Variants in ZC3H3 observed in about 807,000 individuals in gnomAD.
ZC3H3 encodes the protein zinc finger CCCH-type containing 3.
In ZC3H3, 36 loss-of-function variants were observed where a neutral mutation model predicts 77.3. The observed-to-expected ratio is 0.47, with a 90% CI of 0.36 to 0.61. ZC3H3 has a LOEUF of 0.61. Among genes scored for constraint, ZC3H3 ranks in the 20% least tolerant of loss-of-function variants. ZC3H3 has a pLI of 0.00. For synonymous variants in ZC3H3, 626 were observed against 555.2 expected, an observed-to-expected ratio of 1.13 and a Z score of -1.79; for missense variants, 1,331 against 1,312.2, an observed-to-expected ratio of 1.01 and a Z score of -0.22.
At chr8:143,488,811 G>A (rs1293640008) in intron 4 of ZC3H3, among the ~76,000 whole-genome samples, 2 of 152,216 alleles carry the variant, frequency 1.3e-5, no homozygotes, top group Non-Finnish European at 2.9e-5. Flanking sequence ...ACAAAAAGGC[G>A]ACTCCCCCTG....
At chr8:143,438,554 A>G (rs1487206349) in intron 11 of ZC3H3, among the ~76,000 whole-genome samples, 1 of 152,114 alleles carries the variant, frequency 6.6e-6, no homozygotes, top group Non-Finnish European at 1.5e-5. Context: ...GGGGAGGGGC[A>G]GGAGCAGAGC....
At position 143,460,458 on chromosome 8, in the gene ZC3H3, G is replaced by C. The variant is rs4874136; in HGVS notation, c.2307+5259C>G. Among the ~76,000 whole-genome samples, 52,852 of 151,932 alleles carry C rather than the reference G, an allele frequency of 0.35. 9,631 individuals are homozygous for C. The highest frequency in any genetic ancestry group is 0.44 in the Middle Eastern group (128 of 294). On this transcript the variant is annotated intron_variant, in intron 9 of 11. Transcript: ENST00000262577. This position sits in a 1 kb window ranked among gnomAD's most constrained non-coding sequence, Gnocchi z 4.0. ...GTGGAGAAACGGGAACCCGTGCGCC[G>C]TTGCTGGGAACGTAAAGTGGTTCAG... is the stretch of plus-strand genomic sequence containing the variant.
At chr8:143,502,068 C>G (rs904923508) in intron 4 of ZC3H3, among the ~76,000 whole-genome samples, 4 of 152,242 alleles carry the variant, frequency 2.6e-5, no homozygotes, top group African/African-American at 4.8e-5. Flanking sequence ...CTCTCCCTGC[C>G]TCTCCCTGGG....
rs1314002190 is a variant in ZC3H3 at position 143,460,602 on chromosome 8, C to T, written c.2307+5115G>A. 6.6e-6 allele frequency among the ~76,000 whole-genome samples: 1 copy of T among 152,182 alleles called. No individual in the cohort carries two copies. On this transcript the variant is annotated intron_variant, in intron 9 of 11. Transcript: ENST00000262577. This position sits in a 1 kb window ranked among gnomAD's most constrained non-coding sequence, Gnocchi z 4.0. ...AGTGAAAGCGGGGCTCAAACAGATACCTGGCTGTCAGGAATCACTACAGCA... is the reference window on the plus strand; with the variant it reads ...AGTGAAAGCGGGGCTCAAACAGATATCTGGCTGTCAGGAATCACTACAGCA...
intron 9 of ZC3H3, among the ~76,000 whole-genome samples, chr8:143,458,854 C>T (rs1048120867): frequency 5.3e-5 from 8 of 149,904 alleles, no homozygotes; most frequent in Admixed American, 2.0e-4. Flanking sequence ...GGCGCAGTGG[C>T]TCATGCCTGT....
intron 4 of ZC3H3, among the ~76,000 whole-genome samples, chr8:143,497,946 C>T (rs1199934254): frequency 1.3e-5 from 2 of 152,230 alleles, no homozygotes; most frequent in African/African-American, 4.8e-5. Flanking sequence ...CTGGCAGGCA[C>T]CACAGCACGA....
chr8:143,538,656 T>G lies in ZC3H3; in HGVS notation c.711A>C (p.Pro237=), dbSNP rs761753051. 27 of 1,608,614 alleles carry G rather than the reference T, an allele frequency of 1.7e-5. No homozygotes were observed. In the South Asian group the frequency reaches 3.0e-4, roughly 18 times the overall value. The change falls in exon 2 of 12, where the codon CCA becomes CCC. Residue 237 remains proline, a synonymous_variant. Transcript: ENST00000262577. ...KASFPSSALP[P]RTGVALGRKL... is the part of the protein sequence containing the mutation. Reference sequence around the variant, plus strand: ...TCCGGCCCAGGGCCACGCCAGTGCGTGGGGGCAGAGCGGAGGATGGGAAGC... The same window carrying G: ...TCCGGCCCAGGGCCACGCCAGTGCGGGGGGGCAGAGCGGAGGATGGGAAGC...
chr8:143,540,640 T>C (rs1019432481), intron 1 of ZC3H3, among the ~76,000 whole-genome samples: 4 of 152,154 alleles, frequency 2.6e-5, no homozygotes. Context: ...AGTGTGACTG[T>C]TCGGAGAAAA....
chr8:143,528,008 A>G (rs1460906355), intron 3 of ZC3H3, among the ~76,000 whole-genome samples: 4 of 152,214 alleles, frequency 2.6e-5, no homozygotes, highest in Non-Finnish European at 4.4e-5. Flanking sequence ...CCAGGCCTCC[A>G]GCACCGGACA....
intron 3 of ZC3H3, among the ~76,000 whole-genome samples, chr8:143,524,962 G>A (rs1486882876): frequency 1.6e-5 from 2 of 121,620 alleles, no homozygotes; most frequent in Non-Finnish European, 3.6e-5. Context: ...TCCGAGACCA[G>A]GGCTCTGTAA....
intron 4 of ZC3H3, among the ~76,000 whole-genome samples, chr8:143,500,193 T>C (rs1330505871): frequency 6.6e-6 from 1 of 152,238 alleles, no homozygotes; most frequent in Non-Finnish European, 1.5e-5. Context: ...CACAGAACTA[T>C]CTGCTTCTGT....
chr8:143,475,049 G>A (rs1014143332), intron 5 of ZC3H3, among the ~76,000 whole-genome samples: 1 of 152,234 alleles, frequency 6.6e-6, no homozygotes, highest in Non-Finnish European at 1.5e-5. Flanking sequence ...TCAGCCACGC[G>A]AGGTGGGCGC....
chr8:143,506,979 G>T (rs372904366), intron 4 of ZC3H3, among the ~76,000 whole-genome samples: 2 of 152,228 alleles, frequency 1.3e-5, no homozygotes, highest in African/African-American at 4.8e-5. Flanking sequence ...GCAGATTCCC[G>T]CGGGGAGGGT....
At position 143,538,499 on chromosome 8, in the gene ZC3H3, T is replaced by C; in HGVS notation, c.868A>G (p.Arg290Gly). 5 of 1,612,800 alleles carry C rather than the reference T, an allele frequency of 3.1e-6. No individual in the cohort carries two copies. The highest frequency in any genetic ancestry group is 4.2e-6 in the Non-Finnish European group (5 of 1,180,030). The change falls in exon 2 of 12, where the codon AGG (arginine) becomes GGG (glycine). Residue 290 changes from arginine (R) to glycine (G), a missense_variant. Coordinates refer to ENST00000262577, the MANE Select transcript of ZC3H3 (RefSeq NM_015117.3). ...GGPARPASGP[R>G]QAREASLVVT... is the part of the protein sequence containing the mutation. The stretch of plus-strand genomic sequence containing the variant: ...ACCAGCGAGGCCTCCCGGGCCTGCC[T>C]GGGTCCTGAGGCCGGTCTGGCGGGG...
In ZC3H3 at chr8:143,440,245, T is replaced by C. The variant is rs766580353; in HGVS notation, c.2611A>G (p.Lys871Glu). Residue 871 changes from lysine (K) to glutamate (E), a missense_variant, in exon 11 of 12, where the codon AAG becomes GAG. Around this residue, in one of 3 missense-constraint regions of ZC3H3, gnomAD observed 249 missense variants for 236.9 expected, o/e 1.05. Coordinates refer to ENST00000262577, the MANE Select transcript of ZC3H3 (RefSeq NM_015117.3). Reference protein sequence around the residue: ...PGGSASPSSSKASSSSSSSSS... With the variant: ...PGGSASPSSSEASSSSSSSSS... The stretch of plus-strand genomic sequence containing the variant: ...GAGGAGGAGGAGGAGGAGGAAGCCT[T>C]CGAGGATGAGGGAGAGGCTGACCCC... 4.4e-6 allele frequency: 7 copies of C among 1,596,182 alleles called. No homozygotes were observed. Among genetic ancestry groups the C allele is most frequent in the South Asian group, 1.1e-5 (1 of 88,568 alleles).
chr8:143,478,427 C>T lies in ZC3H3; in HGVS notation c.1716-2842G>A, dbSNP rs538072646. Reference sequence around the variant, plus strand: ...GGCACTGGAAGCTTCCAGGACCGCCCCACCCACCAGGGCCGCCCCTCAGCT... The same window carrying T: ...GGCACTGGAAGCTTCCAGGACCGCCTCACCCACCAGGGCCGCCCCTCAGCT... On this transcript the variant is annotated intron_variant, in intron 4 of 11. Coordinates refer to ENST00000262577, the MANE Select transcript of ZC3H3 (RefSeq NM_015117.3). 4.6e-5 allele frequency among the ~76,000 whole-genome samples: 7 copies of T among 152,356 alleles called. No individual in the cohort carries two copies. The South Asian group carries it at 1.5e-3, about 32-fold the overall frequency.
intron 4 of ZC3H3, among the ~76,000 whole-genome samples, chr8:143,488,410 G>A (rs1268196319): frequency 2.7e-4 from 33 of 123,396 alleles, no homozygotes; most frequent in African/African-American, 1.1e-3. Context: ...CCCGCTACAC[G>A]GCCCCATCAC....
intron 3 of ZC3H3, among the ~76,000 whole-genome samples, chr8:143,521,609 G>C (rs1822244816): frequency 6.6e-6 from 1 of 152,184 alleles, no homozygotes; most frequent in South Asian, 2.1e-4. Flanking sequence ...AGGTGGGACA[G>C]GCATGGAGGA....
At chr8:143,524,604 G>A (rs1165025204) in intron 3 of ZC3H3, among the ~76,000 whole-genome samples, 2 of 152,254 alleles carry the variant, frequency 1.3e-5, no homozygotes, top group East Asian at 3.8e-4. Context: ...GCCAACAGCA[G>A]CTGGCCCCTG....
Sources: allele counts gnomAD v4.1 joint callset (sites outside exome capture counted in the v4.1 genomes callset), GRCh38; gene constraint gnomAD v4.1.1; regional missense constraint gnomAD v4.1.1; non-coding constraint Gnocchi (gnomAD v3.1); transcripts MANE v1.5; gene names NCBI Gene and HGNC (gene_info 2026-07-23, HGNC 2026-07-21).